Variants in GTF2E1 observed in about 807,000 individuals in gnomAD.
The protein encoded by GTF2E1 is general transcription factor IIE subunit 1, also known as TFIIE alpha subunit.
A neutral mutation model predicts 34.9 loss-of-function variants in GTF2E1; 14 were observed. That is an observed-to-expected ratio of 0.40 (90% CI 0.27 to 0.63). GTF2E1 has a LOEUF of 0.63. Among genes scored for constraint, GTF2E1 ranks in the 20% least tolerant of loss-of-function variants. GTF2E1 has a pLI of 0.39. For missense variants in GTF2E1, 469 were observed against 557.7 expected (o/e 0.84, Z 1.60); for synonymous variants, 188 against 192.9 (o/e 0.97, Z 0.21).
At chr3:120,752,419 AG>A in intron 2 of GTF2E1, among the ~76,000 whole-genome samples, 1 of 152,346 alleles carries the variant, frequency 6.6e-6, no homozygotes, top group South Asian at 2.1e-4. Context: ...TGGTTTTAAC[AG>A]TGGAGGCTTC....
Position 120,751,002 on chromosome 3 carries a change from T to G in GTF2E1, c.448+2T>G, listed in dbSNP as rs763568632. 1.9e-6 allele frequency: 3 copies of G among 1,592,518 alleles called. No homozygotes were observed. The highest frequency in any genetic ancestry group is 2.6e-6 in the Non-Finnish European group (3 of 1,162,424). On this transcript the variant is annotated splice_donor_variant, in intron 2 of 4. Coordinates refer to ENST00000283875, the MANE Select transcript of GTF2E1 (RefSeq NM_005513.3). LOFTEE classifies it high-confidence loss of function. ...ATCAGCTCTTTGATCCTATGACAGGTGAGGTTTATCCAGTTTGTGAATCTT... is the reference window on the plus strand; with the variant it reads ...ATCAGCTCTTTGATCCTATGACAGGGGAGGTTTATCCAGTTTGTGAATCTT...
At chr3:120,753,506 G>T (rs1709183160) in intron 2 of GTF2E1, among the ~76,000 whole-genome samples, 1 of 152,076 alleles carries the variant, frequency 6.6e-6, no homozygotes, top group African/African-American at 2.4e-5. Flanking sequence ...TTGACTTATG[G>T]TTTACATAAG....
At chr3:120,744,621 A>G (rs115621955) in intron 1 of GTF2E1, among the ~76,000 whole-genome samples, 2,305 of 152,170 alleles carry the variant, frequency 0.015, 40 homozygotes, top group Non-Finnish European at 0.022. Context: ...TCTGTATCCA[A>G]TATATTTTGT....
At chr3:120,754,428 A>G (rs1033178837) in intron 2 of GTF2E1, among the ~76,000 whole-genome samples, 2 of 152,228 alleles carry the variant, frequency 1.3e-5, no homozygotes, top group South Asian at 4.1e-4. Flanking sequence ...GTTTCTATCT[A>G]GTGTTCAAAA....
At position 120,750,864 on chromosome 3, in the gene GTF2E1, A is replaced by C; in HGVS notation, c.312A>C (p.Lys104Asn). The C allele has an allele frequency of 6.2e-7, 1 of 1,613,994 alleles. No homozygotes were observed. Among genetic ancestry groups the C allele is most frequent in the Non-Finnish European group, 8.5e-7 (1 of 1,179,884 alleles). The change falls in exon 2 of 5, where the codon AAA becomes AAC. Residue 104 changes from lysine to asparagine, a missense_variant. Physicochemically the swap from Lys to Asn is moderately conservative, Grantham distance 94 (BLOSUM62 0). Coordinates refer to ENST00000283875, the MANE Select transcript of GTF2E1 (RefSeq NM_005513.3). Reference sequence around the variant, plus strand: ...ATCGTACTCTTGTTAATGTGGTAAAATATAAACTGGACCACATGAGAAGAA... The same window carrying C: ...ATCGTACTCTTGTTAATGTGGTAAACTATAAACTGGACCACATGAGAAGAA... The part of the protein sequence containing the change: ...INYRTLVNVV[K>N]YKLDHMRRRI...
chr3:120,777,932 C>T (rs1288391389), intron 4 of GTF2E1, among the ~76,000 whole-genome samples: 18 of 152,296 alleles, frequency 1.2e-4, no homozygotes, highest in Non-Finnish European at 2.6e-4. Context: ...CCATGTTGTC[C>T]AGGCTGGTCT....
At chr3:120,778,028 G>C (rs541824778) in intron 4 of GTF2E1, among the ~76,000 whole-genome samples, 11 of 152,250 alleles carry the variant, frequency 7.2e-5, no homozygotes, top group Admixed American at 3.3e-4. Flanking sequence ...CCAGCCTGTT[G>C]TGTTATTTAG....
At chr3:120,770,324 G>T (rs1184986463) in intron 2 of GTF2E1, among the ~76,000 whole-genome samples, 1 of 152,082 alleles carries the variant, frequency 6.6e-6, no homozygotes, top group Non-Finnish European at 1.5e-5. Flanking sequence ...TTGGTTTTAG[G>T]TATTTATTTG....
At chr3:120,760,553 T>C (rs1372990306) in intron 2 of GTF2E1, among the ~76,000 whole-genome samples, 2 of 152,212 alleles carry the variant, frequency 1.3e-5, no homozygotes, top group Non-Finnish European at 2.9e-5. Flanking sequence ...CAGTATGATA[T>C]TGGCTGTGGG....
chr3:120,770,753 T>C lies in GTF2E1; in HGVS notation c.474T>C (p.His158=). 1.9e-6 allele frequency: 3 copies of C among 1,613,530 alleles called. No individual in the cohort carries two copies. The highest frequency in any genetic ancestry group is 2.5e-6 in the Non-Finnish European group (3 of 1,179,532). ...GAACTTTCCGCTGTACTTTTTGCCATACAGAGGTAGAAGAGGATGAATCAG... is the reference window on the plus strand; with the variant it reads ...GAACTTTCCGCTGTACTTTTTGCCACACAGAGGTAGAAGAGGATGAATCAG... ...MTGTFRCTFC[H]TEVEEDESAM... The change falls in exon 3 of 5, where the codon CAT becomes CAC. Residue 158 remains histidine, a synonymous_variant. Transcript: ENST00000283875.
chr3:120,774,561 C>G (rs1182106700), intron 3 of GTF2E1, among the ~76,000 whole-genome samples: 1 of 148,672 alleles, frequency 6.7e-6, no homozygotes, highest in Non-Finnish European at 1.5e-5. Context: ...AAAGTAACAT[C>G]AATGAATGCA....
At chr3:120,767,803 G>A (rs1476969602) in intron 2 of GTF2E1, among the ~76,000 whole-genome samples, 1 of 152,142 alleles carries the variant, frequency 6.6e-6, no homozygotes, top group Non-Finnish European at 1.5e-5. Context: ...GTTTGGATGA[G>A]ATTAGAATTT....
chr3:120,757,929 G>A (rs1358547094), intron 2 of GTF2E1, among the ~76,000 whole-genome samples: 2 of 152,194 alleles, frequency 1.3e-5, no homozygotes, highest in Non-Finnish European at 2.9e-5. Flanking sequence ...TTGGGAGGCC[G>A]AGGTGGGCGG....
chr3:120,759,986 G>A (rs1266998449), intron 2 of GTF2E1, among the ~76,000 whole-genome samples: 2 of 152,192 alleles, frequency 1.3e-5, no homozygotes, highest in African/African-American at 4.8e-5. Context: ...AAAGTCAGTG[G>A]TAGCTTGATG....
intron 4 of GTF2E1, among the ~76,000 whole-genome samples, chr3:120,778,356 T>C (rs1427096731): frequency 6.6e-6 from 1 of 152,224 alleles, no homozygotes; most frequent in Non-Finnish European, 1.5e-5. Context: ...GAATTTATCC[T>C]AAGTTTCTTG....
chr3:120,754,759 C>T (rs1205534311), intron 2 of GTF2E1, among the ~76,000 whole-genome samples: 1 of 151,860 alleles, frequency 6.6e-6, no homozygotes, highest in East Asian at 1.9e-4. Flanking sequence ...CTAGGAGTCA[C>T]ATTTTAAATT....
rs114631322 is a variant in GTF2E1 at position 120,769,608 on chromosome 3, G to T, written c.449-1120G>T. Among the ~76,000 whole-genome samples the T allele has an allele frequency of 3.1e-3, 465 of 152,266 alleles. 1 individual carries two copies. Among genetic ancestry groups the T allele is most frequent in the Admixed American group, 7.2e-3 (110 of 15,280 alleles). Reference sequence around the variant, plus strand: ...AATGGTAAAGAAGCAGCAGTCACTTGTGCAAGATGGGATTTTTTGTGGTTT... The same window carrying T: ...AATGGTAAAGAAGCAGCAGTCACTTTTGCAAGATGGGATTTTTTGTGGTTT... On this transcript the variant is annotated intron_variant, in intron 2 of 4. Coordinates refer to ENST00000283875, the MANE Select transcript of GTF2E1 (RefSeq NM_005513.3).
chr3:120,771,484 C>T (rs558141381), intron 3 of GTF2E1, among the ~76,000 whole-genome samples: 1 of 152,140 alleles, frequency 6.6e-6, no homozygotes, highest in African/African-American at 2.4e-5. Flanking sequence ...TTTTGCCATG[C>T]CAGAAAAGGT....
chr3:120,767,055 C>T (rs1709315674), intron 2 of GTF2E1, among the ~76,000 whole-genome samples: 1 of 152,138 alleles, frequency 6.6e-6, no homozygotes, highest in Admixed American at 6.5e-5. Flanking sequence ...AGAAATTCTA[C>T]ATTTGGCTTT....
Sources: allele counts gnomAD v4.1 joint callset (sites outside exome capture counted in the v4.1 genomes callset), GRCh38; gene constraint gnomAD v4.1.1; transcripts MANE v1.5; gene names NCBI Gene and HGNC (gene_info 2026-07-23, HGNC 2026-07-21).